Variants in PCDH9 observed in about 807,000 individuals in gnomAD.
The protein encoded by PCDH9 is protocadherin-9.
In PCDH9, 24 loss-of-function variants were observed where a neutral mutation model predicts 70.6. The observed-to-expected ratio is 0.34, with a 90% CI of 0.25 to 0.48. The LOEUF is 0.48. Ranked by LOEUF, PCDH9 falls within the 20% of genes least tolerant of loss-of-function variation. The pLI, the probability that PCDH9 is intolerant of heterozygous loss-of-function variation, is 0.99. For missense variants in PCDH9, 1,281 were observed against 1,503.6 expected, an observed-to-expected ratio of 0.85 and a Z score of 2.45; for synonymous variants, 562 against 558.5, an observed-to-expected ratio of 1.01 and a Z score of -0.09.
At chr13:67,104,670 T>C (rs572624885) in intron 2 of PCDH9, among the ~76,000 whole-genome samples, 1 of 152,174 alleles carries the variant, frequency 6.6e-6, no homozygotes, top group South Asian at 2.1e-4. Context: ...TGCCTCAGCC[T>C]CTCGAGTAGC....
intron 3 of PCDH9, among the ~76,000 whole-genome samples, chr13:66,851,449 T>C (rs1469907746): frequency 6.6e-6 from 1 of 152,156 alleles, no homozygotes; most frequent in Non-Finnish European, 1.5e-5. Context: ...AAATTGTATG[T>C]CCATACTAAA....
chr13:66,792,510 A>T (rs538139861), intron 3 of PCDH9, among the ~76,000 whole-genome samples: 1 of 152,184 alleles, frequency 6.6e-6, no homozygotes, highest in Non-Finnish European at 1.5e-5. Context: ...TCCCTACTAA[A>T]AATACAAAAT....
At chr13:66,821,305 C>G (rs975856514) in intron 3 of PCDH9, among the ~76,000 whole-genome samples, 2 of 152,094 alleles carry the variant, frequency 1.3e-5, no homozygotes, top group Non-Finnish European at 2.9e-5. Flanking sequence ...GAAGATACTT[C>G]AGAGGATCAG....
chr13:66,708,794 CA>C (rs2078752359), intron 3 of PCDH9, among the ~76,000 whole-genome samples: 1 of 152,154 alleles, frequency 6.6e-6, no homozygotes, highest in Non-Finnish European at 1.5e-5. Flanking sequence ...GTTGGCAAAA[CA>C]ATCCCTGACT....
chr13:66,562,532 T>C (rs764435293), intron 4 of PCDH9, among the ~76,000 whole-genome samples: 6 of 152,162 alleles, frequency 3.9e-5, no homozygotes, highest in Non-Finnish European at 8.8e-5. Flanking sequence ...ATGTCTTACA[T>C]GGTAGCAGGC....
chr13:66,722,794 C>A (rs2078958354), intron 3 of PCDH9, among the ~76,000 whole-genome samples: 1 of 151,786 alleles, frequency 6.6e-6, no homozygotes, highest in Non-Finnish European at 1.5e-5. Context: ...ATGGTGAAAC[C>A]CCATCTCTAC....
intron 3 of PCDH9, among the ~76,000 whole-genome samples, chr13:66,726,357 A>G (rs1241779025): frequency 6.6e-6 from 1 of 152,216 alleles, no homozygotes; most frequent in East Asian, 1.9e-4. Context: ...GACAAGTTGC[A>G]CAATGTAAAG....
intron 4 of PCDH9, among the ~76,000 whole-genome samples, chr13:66,621,924 C>CT (rs1322586173): frequency 6.6e-6 from 1 of 152,238 alleles, no homozygotes; most frequent in Non-Finnish European, 1.5e-5. Context: ...AGCCGGCTCC[C>CT]TCAGCTTGCA....
chr13:67,046,757 A>G (rs1240367410), intron 2 of PCDH9, among the ~76,000 whole-genome samples: 1 of 152,064 alleles, frequency 6.6e-6, no homozygotes, highest in African/African-American at 2.4e-5. Context: ...AATAGAAAAA[A>G]CACACTAAGA....
chr13:66,675,929 T>C (rs1272842309), intron 3 of PCDH9, among the ~76,000 whole-genome samples: 2 of 152,140 alleles, frequency 1.3e-5, no homozygotes, highest in Admixed American at 6.6e-5. Context: ...TTGTCTCTAC[T>C]TTTATTATTC....
rs555195563 is a variant in PCDH9, at chr13:66,499,675, T to C, written c.3340+131535A>G. ...TGAAAATATGTTGTTTATGTGAATATTGTAGTGACAAAAGTTAATCAACTG... is the reference window on the plus strand; with the variant it reads ...TGAAAATATGTTGTTTATGTGAATACTGTAGTGACAAAAGTTAATCAACTG... On this transcript the variant is annotated intron_variant, in intron 4 of 4. Coordinates refer to ENST00000377865, the MANE Select transcript of PCDH9 (RefSeq NM_203487.3). 7.7e-4 allele frequency among the ~76,000 whole-genome samples: 117 copies of C among 152,352 alleles called. 2 individuals are homozygous for C. The highest frequency in any genetic ancestry group is 2.4e-4 in the Non-Finnish European group (16 of 68,036).
intron 3 of PCDH9, among the ~76,000 whole-genome samples, chr13:66,672,777 T>C (rs767337951): frequency 5.9e-5 from 9 of 152,190 alleles, no homozygotes; most frequent in Non-Finnish European, 1.2e-4. Flanking sequence ...TTGGAGCCTT[T>C]AGATTTGACT....
chr13:67,199,468 A>C lies in PCDH9; in HGVS notation c.3036+25937T>G, dbSNP rs574259787. 5.3e-5 allele frequency among the ~76,000 whole-genome samples: 8 copies of C among 152,086 alleles called. No individual in the cohort carries two copies. The East Asian group carries it at 1.5e-3, about 29-fold the overall frequency. On this transcript the variant is annotated intron_variant, in intron 2 of 4. Transcript: ENST00000377865. The stretch of plus-strand genomic sequence containing the variant: ...ATATTAATATCCAATTTAATAGCAA[A>C]ATACATCTTTGAAGTGAAATTAAGT...
At chr13:66,622,744 G>C (rs1031865032) in intron 4 of PCDH9, among the ~76,000 whole-genome samples, 1 of 152,188 alleles carries the variant, frequency 6.6e-6, no homozygotes, top group African/African-American at 2.4e-5. Flanking sequence ...GGTGGGGCCA[G>C]ATAAGAGAAT....
chr13:66,913,766 A>G (rs1380651223), intron 2 of PCDH9, among the ~76,000 whole-genome samples: 1 of 152,044 alleles, frequency 6.6e-6, no homozygotes, highest in Non-Finnish European at 1.5e-5. Context: ...TCGTTGTTAA[A>G]GGGACTGTAG....
chr13:66,642,087 G>A (rs1289893310), intron 3 of PCDH9, among the ~76,000 whole-genome samples: 11 of 152,010 alleles, frequency 7.2e-5, no homozygotes, highest in Admixed American at 7.2e-4. Flanking sequence ...ACATTTGTGA[G>A]CATATGTATA....
chr13:66,618,466 G>A (rs1393663602), intron 4 of PCDH9, among the ~76,000 whole-genome samples: 1 of 152,000 alleles, frequency 6.6e-6, no homozygotes, highest in Non-Finnish European at 1.5e-5. Flanking sequence ...AAATTGTTTT[G>A]AAACTCTAGA....
intron 2 of PCDH9, among the ~76,000 whole-genome samples, chr13:66,947,432 C>T (rs190734903): frequency 1.3e-5 from 2 of 151,966 alleles, no homozygotes; most frequent in Admixed American, 1.3e-4. Flanking sequence ...CCAAAAAATA[C>T]CCCTTATTAT....
chr13:66,362,755 C>T (rs1483941015), intron 4 of PCDH9, among the ~76,000 whole-genome samples: 1 of 151,942 alleles, frequency 6.6e-6, no homozygotes, highest in Non-Finnish European at 1.5e-5. Flanking sequence ...CTGATGGGGA[C>T]TAAACAGTTG....
Sources: gnomAD v4.1 joint callset for allele counts (sites outside exome capture counted in the v4.1 genomes callset) on GRCh38, gnomAD v4.1.1 for gene constraint, MANE v1.5 for transcripts, NCBI Gene and HGNC (gene_info 2026-07-23, HGNC 2026-07-21) for gene names.